RPGRIP1: variants seen among roughly 807,000 people sequenced by gnomAD.
RPGRIP1 encodes RPGR interacting protein 1.
RPGRIP1 carries 128 observed loss-of-function variants against 157.9 expected under a neutral mutation model. The observed-to-expected ratio is 0.81, with a 90% confidence interval of 0.70 to 0.94. The LOEUF (loss-of-function observed/expected upper bound fraction) is 0.94, where lower values mean the gene tolerates loss of function less well. Ranked by LOEUF, RPGRIP1 falls within the 40% of genes least tolerant of loss-of-function variation. The pLI is 0.00. For synonymous variants in RPGRIP1, 554 were observed against 571.6 expected, an observed-to-expected ratio of 0.97 and a Z score of 0.44; for missense variants, 1,486 against 1,545.8, an observed-to-expected ratio of 0.96 and a Z score of 0.65.
chr14:21,312,213 A>G (rs1032728230), intron 9 of RPGRIP1, among the ~76,000 whole-genome samples: 5 of 152,206 alleles, frequency 3.3e-5, no homozygotes, highest in African/African-American at 1.2e-4. Flanking sequence ...AGAAACCCAG[A>G]AACAGTGAAG....
chr14:21,321,669 C>T lies in RPGRIP1; in HGVS notation c.1612-185C>T, dbSNP rs3748359. ...TTCAAATTTTGCCAGTCCTAGGAAC[C>T]ACCCTACCTCAATGATAGCACAACT... On this transcript the variant is annotated intron_variant, in intron 13 of 24. Coordinates refer to ENST00000400017, the MANE Select transcript of RPGRIP1 (RefSeq NM_020366.4). Among the ~76,000 whole-genome samples, 44,867 of 152,068 alleles carry T rather than the reference C, an allele frequency of 0.3. 6,869 individuals are homozygous for T. Among genetic ancestry groups the T allele is most frequent in the African/African-American group, 0.37 (15,435 of 41,474 alleles).
At position 21,330,283 on chromosome 14, in the gene RPGRIP1, C is replaced by CT; in HGVS notation, c.3135dup (p.Asn1046Ter). On this transcript the variant is annotated frameshift_variant, in exon 20 of 25. Transcript: ENST00000400017. LOFTEE classifies it high-confidence loss of function. ...TACACTGAGTGGAAGTTCTCAGAGA[C>CT]TAACAGCTTCATAGGTGATGGCTTT... 20 of 1,577,166 alleles carry CT rather than the reference C, an allele frequency of 1.3e-5. No individual in the cohort carries two copies. The highest frequency in any genetic ancestry group is 1.7e-5 in the Non-Finnish European group (20 of 1,164,850).
At chr14:21,328,041 A>C (rs1416606134) in intron 18 of RPGRIP1, among the ~76,000 whole-genome samples, 1 of 152,158 alleles carries the variant, frequency 6.6e-6, no homozygotes, top group Non-Finnish European at 1.5e-5. Flanking sequence ...GTGGTGGCAC[A>C]TGCCTGTAAT....
At chr14:21,333,025 G>A (rs1566354314) in intron 20 of RPGRIP1, among the ~76,000 whole-genome samples, 1 of 152,144 alleles carries the variant, frequency 6.6e-6, no homozygotes, top group Non-Finnish European at 1.5e-5. Context: ...GCTTGAACCT[G>A]GGAGGCAGAA....
chr14:21,348,171 G>C lies in RPGRIP1; in HGVS notation c.3618-1G>C. On this transcript the variant is annotated splice_acceptor_variant, in intron 23 of 24. Coordinates refer to ENST00000400017, the MANE Select transcript of RPGRIP1 (RefSeq NM_020366.4). LOFTEE classifies it high-confidence loss of function. ...CTGAATTAAATGCAATTTCTTTTTA[G>C]TTTAAAGTTTACAGTGGTAAGTGAT... 1 of 1,568,172 alleles carries C rather than the reference G, an allele frequency of 6.4e-7. No homozygotes were observed. The highest frequency in any genetic ancestry group is 1.2e-5 in the South Asian group (1 of 82,394).
intron 13 of RPGRIP1, chr14:21,321,621 A>G: frequency 9.1e-7 from 1 of 1,097,412 alleles, no homozygotes; most frequent in Non-Finnish European, 1.3e-6. Flanking sequence ...GCCCATGCCA[A>G]TGGCAAGCGT....
chr14:21,348,687 A>C (rs1885819192), intron 24 of RPGRIP1, among the ~76,000 whole-genome samples: 1 of 102,568 alleles, frequency 9.7e-6, no homozygotes. Flanking sequence ...TTTTTTTGAG[A>C]TGGAGCCTCA....
At chr14:21,316,956 T>C (rs984812485) in intron 10 of RPGRIP1, among the ~76,000 whole-genome samples, 2 of 151,582 alleles carry the variant, frequency 1.3e-5, no homozygotes, top group Non-Finnish European at 2.9e-5. Flanking sequence ...CCCGTCTCTA[T>C]TAAAAATACA....
chr14:21,323,497 A>G (rs1454354776), intron 14 of RPGRIP1, among the ~76,000 whole-genome samples: 1 of 151,972 alleles, frequency 6.6e-6, no homozygotes, highest in African/African-American at 2.4e-5. Context: ...CGTGAGTCTG[A>G]TAAAAGATCA....
Position 21,321,422 on chromosome 14 carries a change from A to G in RPGRIP1, c.1611+20A>G, listed in dbSNP as rs761968026. On this transcript the variant is annotated intron_variant, in intron 13 of 24. Coordinates refer to ENST00000400017, the MANE Select transcript of RPGRIP1 (RefSeq NM_020366.4). ...TATCAGGTGCAAGGAAAGATGGTAC[A>G]GGAAGGGGATGGATAACAGGAACGT... 6 of 1,602,392 alleles carry G rather than the reference A, an allele frequency of 3.7e-6. No homozygotes were observed. The highest frequency in any genetic ancestry group is 5.1e-6 in the Non-Finnish European group (6 of 1,174,692).
intron 20 of RPGRIP1, among the ~76,000 whole-genome samples, chr14:21,333,007 G>A (rs1165910425): frequency 6.6e-6 from 1 of 152,198 alleles, no homozygotes; most frequent in African/African-American, 2.4e-5. Flanking sequence ...AGCTGAGGCA[G>A]GAGAATCGCT....
chr14:21,348,663 C>CTTT (rs10561385), intron 24 of RPGRIP1, among the ~76,000 whole-genome samples: 2 of 82,354 alleles, frequency 2.4e-5, no homozygotes, highest in African/African-American at 4.8e-5. Context: ...TGCATCCAGT[C>CTTT]TTTTTTTTTT....
intron 14 of RPGRIP1, among the ~76,000 whole-genome samples, chr14:21,322,448 T>C (rs1285657205): frequency 6.6e-6 from 1 of 152,124 alleles, no homozygotes; most frequent in Non-Finnish European, 1.5e-5. Context: ...TGCGAGCCAC[T>C]GCGCCCGGCC....
At position 21,324,797 on chromosome 14, in the gene RPGRIP1, AC is replaced by A; in HGVS notation, c.1945del (p.Gln649AsnfsTer35). On this transcript the variant is annotated frameshift_variant, in exon 15 of 25. Transcript: ENST00000400017. LOFTEE classifies it high-confidence loss of function. ...TSAALAQAGD[T>X]QPTTFCTYSF... is the part of the protein sequence containing the mutation. ...TGCCGCCCTAGCTCAGGCTGGAGAT[AC>A]CCAACCTACCACTTTCTGCACCTAT... 6.2e-7 allele frequency: 1 copy of A among 1,614,046 alleles called. No homozygotes were observed. Among genetic ancestry groups the A allele is most frequent in the South Asian group, 1.1e-5 (1 of 91,084 alleles).
chr14:21,311,826 TCA>T lies in RPGRIP1; in HGVS notation c.934_935del (p.Gln312GlyfsTer8). On this transcript the variant is annotated frameshift_variant, in exon 9 of 25. Transcript: ENST00000400017. LOFTEE classifies it high-confidence loss of function. Reference protein sequence around the residue: ...EAYETLLQKNQGILSAAHEAL... With the variant: ...EAYETLLQKNXGILSAAHEAL... ...GAGGTACTTTCCTTTTGACCCAGAA[TCA>T]GGGAATCCTGAGTGCAGCCCATGAG... is the stretch of plus-strand genomic sequence containing the variant. The T allele has an allele frequency of 6.3e-7, 1 of 1,598,402 alleles. No individual in the cohort carries two copies. The highest frequency in any genetic ancestry group is 1.3e-5 in the African/African-American group (1 of 74,262).
chr14:21,332,230 C>T (rs929431346), intron 20 of RPGRIP1, among the ~76,000 whole-genome samples: 10 of 152,116 alleles, frequency 6.6e-5, no homozygotes, highest in Non-Finnish European at 8.8e-5. Context: ...TGAGCCACCA[C>T]GCTTGGCCTA....
rs571712377 is a variant in RPGRIP1, at chr14:21,299,198, C to T, written c.219-1768C>T. 1.5e-3 allele frequency among the ~76,000 whole-genome samples: 235 copies of T among 152,128 alleles called. 1 individual carries two copies. The highest frequency in any genetic ancestry group is 5.2e-3 in the African/African-American group (218 of 41,548). ...GTGCAGCTAATTACAGACAGGGTTTCTCCATGTTAGTCAGGCTGGTCTCGA... is the reference window on the plus strand; with the variant it reads ...GTGCAGCTAATTACAGACAGGGTTTTTCCATGTTAGTCAGGCTGGTCTCGA... On this transcript the variant is annotated intron_variant, in intron 3 of 24. Coordinates refer to ENST00000400017, the MANE Select transcript of RPGRIP1 (RefSeq NM_020366.4).
At chr14:21,339,983 G>A (rs181924278) in intron 21 of RPGRIP1, among the ~76,000 whole-genome samples, 5 of 152,158 alleles carry the variant, frequency 3.3e-5, no homozygotes, top group South Asian at 2.1e-4. Flanking sequence ...ATAGCAATGC[G>A]AGGAGTTGAA....
chr14:21,309,659 G>A (rs1191060240), intron 7 of RPGRIP1, among the ~76,000 whole-genome samples: 2 of 152,114 alleles, frequency 1.3e-5, no homozygotes, highest in Non-Finnish European at 2.9e-5. Flanking sequence ...TGGTCATGAA[G>A]GACACACTAA....
Sources: gnomAD v4.1 joint callset for allele counts (sites outside exome capture counted in the v4.1 genomes callset) on GRCh38, gnomAD v4.1.1 for gene constraint, MANE v1.5 for transcripts, NCBI Gene and HGNC (gene_info 2026-07-23, HGNC 2026-07-21) for gene names.